GRIK4: variants seen among roughly 807,000 people sequenced by gnomAD.
GRIK4 encodes glutamate ionotropic receptor kainate type subunit 4, also known as glutamate receptor ionotropic, kainate 4.
GRIK4 carries 40 observed loss-of-function variants against 104.9 expected under a neutral mutation model. The observed-to-expected ratio is 0.38, with a 90% confidence interval of 0.30 to 0.50. GRIK4 has a LOEUF of 0.50. Ranked by LOEUF, GRIK4 falls within the 20% of genes least tolerant of loss-of-function variation. The probability of loss-of-function intolerance (pLI) is 0.93; values close to 1 mark genes in which losing one functional copy is unlikely to be tolerated. For synonymous variants in GRIK4, 485 were observed against 524.9 expected, an observed-to-expected ratio of 0.92 and a Z score of 1.04; for missense variants, 1,047 against 1,308.1, an observed-to-expected ratio of 0.80 and a Z score of 3.08.
chr11:120,842,164 C>G (rs542160832), intron 8 of GRIK4, among the ~76,000 whole-genome samples: 1 of 152,210 alleles, frequency 6.6e-6, no homozygotes, highest in Non-Finnish European at 1.5e-5. Flanking sequence ...CAGATCTCAT[C>G]GTTTCACACA....
intron 7 of GRIK4, among the ~76,000 whole-genome samples, chr11:120,832,246 G>A (rs1274709187): frequency 6.6e-6 from 1 of 152,174 alleles, no homozygotes; most frequent in Non-Finnish European, 1.5e-5. Context: ...GGGGCAGCAG[G>A]GCAGTAGGCA....
chr11:120,763,522 T>C (rs184710610), intron 3 of GRIK4, among the ~76,000 whole-genome samples: 8 of 152,336 alleles, frequency 5.3e-5, no homozygotes, highest in Admixed American at 4.6e-4. Context: ...CTAGTTCTTT[T>C]AATTGTGATG....
chr11:120,840,757 G>A (rs1051983721), intron 8 of GRIK4, among the ~76,000 whole-genome samples: 2 of 152,204 alleles, frequency 1.3e-5, no homozygotes, highest in South Asian at 4.1e-4. Context: ...CAATCTGCCT[G>A]CCTGCCTGCC....
chr11:120,533,473 A>G (rs1234035981), intron 1 of GRIK4, among the ~76,000 whole-genome samples: 1 of 152,152 alleles, frequency 6.6e-6, no homozygotes, highest in Non-Finnish European at 1.5e-5. Context: ...TGGCTCTCCC[A>G]TTGCCCCTGC....
At chr11:120,806,033 G>A (rs922800458) in intron 4 of GRIK4, among the ~76,000 whole-genome samples, 7 of 152,186 alleles carry the variant, frequency 4.6e-5, no homozygotes, top group East Asian at 1.9e-4. Flanking sequence ...CTGTTTCCTC[G>A]TTTGTAAAAT....
intron 1 of GRIK4, among the ~76,000 whole-genome samples, chr11:120,596,731 T>G (rs530684487): frequency 3.1e-4 from 47 of 151,472 alleles, no homozygotes; most frequent in South Asian, 4.2e-4. Flanking sequence ...GACTTGTTTT[T>G]GTTTTTTTTT....
chr11:120,519,410 C>T (rs1178061436), intron 1 of GRIK4, among the ~76,000 whole-genome samples: 1 of 152,066 alleles, frequency 6.6e-6, no homozygotes, highest in African/African-American at 2.4e-5. Flanking sequence ...AGAGAACCCG[C>T]AAAGCCCCCT....
intron 3 of GRIK4, among the ~76,000 whole-genome samples, chr11:120,729,922 T>C (rs1304921671): frequency 6.6e-6 from 1 of 152,194 alleles, no homozygotes; most frequent in African/African-American, 2.4e-5. Flanking sequence ...CTTTAATCCA[T>C]TTTGATTTTA....
At chr11:120,937,664 G>A (rs886970116) in intron 13 of GRIK4, among the ~76,000 whole-genome samples, 2 of 152,162 alleles carry the variant, frequency 1.3e-5, no homozygotes, top group Admixed American at 6.5e-5. Context: ...GTAGGGAAGT[G>A]TCAGTGAGTG....
At position 120,967,242 on chromosome 11, in the gene GRIK4, G is replaced by A. The variant is rs1416753939; in HGVS notation, c.2314G>A (p.Glu772Lys). Reference sequence around the variant, plus strand: ...TGATCTGGCCATTCTCCAGCTGCAGGAGAACAACCGCCTGGAGATCCTGAA... The same window carrying A: ...TGATCTGGCCATTCTCCAGCTGCAGAAGAACAACCGCCTGGAGATCCTGAA... ...EFDLAILQLQ[E>K]NNRLEILKRK... Residue 772 changes from glutamate (E) to lysine (K), a missense_variant, in exon 19 of 21, where the codon GAG (glutamate) becomes AAG (lysine). Physicochemically the swap from Glu to Lys is moderately conservative, Grantham distance 56. Transcript: ENST00000527524. This position sits in a 1 kb window ranked among gnomAD's most constrained non-coding sequence, Gnocchi z 4.2. 1.9e-6 allele frequency: 3 copies of A among 1,613,816 alleles called. No homozygotes were observed. Among genetic ancestry groups the A allele is most frequent in the African/African-American group, 1.3e-5 (1 of 74,930 alleles).
chr11:120,973,948 C>T (rs1425861880), intron 19 of GRIK4, among the ~76,000 whole-genome samples: 1 of 151,360 alleles, frequency 6.6e-6, no homozygotes, highest in Non-Finnish European at 1.5e-5. Flanking sequence ...CATCCTGTTG[C>T]CCAGGCTGGA....
Position 120,660,386 on chromosome 11 carries a change from A to G in GRIK4, c.68A>G (p.His23Arg). 6.2e-7 allele frequency: 1 copy of G among 1,612,270 alleles called. No homozygotes were observed. Among genetic ancestry groups the G allele is most frequent in the Non-Finnish European group, 8.5e-7 (1 of 1,179,664 alleles). The change falls in exon 3 of 21, where the codon CAC becomes CGC. Residue 23 changes from histidine (H) to arginine (R), a missense_variant. This residue lies in a region of GRIK4 where 447 missense variants were observed against 514.9 expected (regional missense o/e 0.87). Coordinates refer to ENST00000527524, the MANE Select transcript of GRIK4 (RefSeq NM_014619.5). The part of the protein sequence containing the change: ...AWLVMVACSP[H>R]SLRIAAILDD... ...CTCGTGATGGTCGCCTGCAGCCCGC[A>G]CTCCTTGAGGATCGGTAAGTGTGGC...
chr11:120,563,163 T>C (rs926533240), intron 1 of GRIK4, among the ~76,000 whole-genome samples: 1 of 152,228 alleles, frequency 6.6e-6, no homozygotes, highest in Admixed American at 6.5e-5. Flanking sequence ...TCTTTCTCTA[T>C]TAGACATACT....
chr11:120,794,095 G>A (rs529476012), intron 3 of GRIK4, among the ~76,000 whole-genome samples: 14 of 138,870 alleles, frequency 1.0e-4, no homozygotes, highest in African/African-American at 3.1e-4. Context: ...TGAGGGGCGG[G>A]TGTTAGGGCT....
intron 1 of GRIK4, among the ~76,000 whole-genome samples, chr11:120,626,317 G>A (rs1332900696): frequency 1.3e-5 from 2 of 152,212 alleles, no homozygotes; most frequent in Non-Finnish European, 2.9e-5. Context: ...AGAAAGGCCA[G>A]GGAAGGGGAA....
chr11:120,715,370 G>A (rs754266202), intron 3 of GRIK4, among the ~76,000 whole-genome samples: 53 of 152,130 alleles, frequency 3.5e-4, no homozygotes, highest in Non-Finnish European at 6.8e-4. Context: ...ATCCGTTGTC[G>A]GAAAGCGGTG....
chr11:120,960,256 G>C (rs929445791), intron 16 of GRIK4, among the ~76,000 whole-genome samples: 1 of 152,258 alleles, frequency 6.6e-6, no homozygotes, highest in East Asian at 1.9e-4. Context: ...TTGAATCCAC[G>C]AGGTGGAGGT....
intron 1 of GRIK4, among the ~76,000 whole-genome samples, chr11:120,544,661 A>G (rs948702494): frequency 6.6e-6 from 1 of 152,132 alleles, no homozygotes; most frequent in Non-Finnish European, 1.5e-5. Flanking sequence ...AGCTGTTATT[A>G]GGAAGTTGTG....
In GRIK4 at chr11:120,710,085, G is replaced by A. The variant is rs111227524; in HGVS notation, c.82+49685G>A. 6.2e-3 allele frequency among the ~76,000 whole-genome samples: 944 copies of A among 152,264 alleles called. 8 individuals are homozygous for A. The highest frequency in any genetic ancestry group is 8.7e-3 in the Non-Finnish European group (594 of 68,012). On this transcript the variant is annotated intron_variant, in intron 3 of 20. Coordinates refer to ENST00000527524, the MANE Select transcript of GRIK4 (RefSeq NM_014619.5). ...AGGTCCCAGTTGAACAGTAGTCAGCGCGAGACAAGGCAGAAACAAAACGAA... is the reference window on the plus strand; with the variant it reads ...AGGTCCCAGTTGAACAGTAGTCAGCACGAGACAAGGCAGAAACAAAACGAA...
Sources: gnomAD v4.1 joint callset for allele counts (sites outside exome capture counted in the v4.1 genomes callset) on GRCh38, gnomAD v4.1.1 for gene constraint, gnomAD v4.1.1 regional missense constraint, Gnocchi (gnomAD v3.1) non-coding constraint, MANE v1.5 for transcripts, NCBI Gene and HGNC (gene_info 2026-07-23, HGNC 2026-07-21) for gene names.